The following ADAM21 variants were observed in gnomAD, a reference collection of about 807,000 sequenced individuals.
ADAM21 encodes the protein ADAM metallopeptidase domain 21.
For synonymous variants in ADAM21, 262 were observed against 306.0 expected, an observed-to-expected ratio of 0.86 and a Z score of 1.50; for missense variants, 678 against 874.4, an observed-to-expected ratio of 0.78 and a Z score of 2.83.
chr14:70,459,613 TG>T lies in ADAM21; in HGVS notation c.2115del (p.Met705IlefsTer25). 2.5e-6 allele frequency: 4 copies of T among 1,614,214 alleles called. No individual in the cohort carries two copies. The highest frequency in any genetic ancestry group is 3.4e-6 in the Non-Finnish European group (4 of 1,180,028). The stretch of plus-strand genomic sequence containing the variant: ...TTCCTGTTTACTGTCGGGCTTCTTA[TG>T]TATCTACGACAATGTTCTGGTCCCA... ...LTFLFTVGLL[M>X]YLRQCSGPKE... On this transcript the variant is annotated frameshift_variant, in exon 2 of 2. Transcript: ENST00000603540. LOFTEE classifies it low-confidence loss of function (END_TRUNC).
rs1882461339 is a variant in ADAM21 at position 70,458,446 on chromosome 14, G to C, written c.947G>C (p.Cys316Ser). 1 of 1,614,006 alleles carries C rather than the reference G, an allele frequency of 6.2e-7. No individual in the cohort carries two copies. Among genetic ancestry groups the C allele is most frequent in the African/African-American group, 1.3e-5 (1 of 74,904 alleles). ...ILGLAYVAGI[C>S]RPPIDCGVDN... ...GGCCTAGCCTATGTTGCAGGAATATGTCGTCCACCTATTGATTGTGGAGTT... is the reference window on the plus strand; with the variant it reads ...GGCCTAGCCTATGTTGCAGGAATATCTCGTCCACCTATTGATTGTGGAGTT... Residue 316 changes from cysteine to serine, a missense_variant, in exon 2 of 2, where the codon TGT becomes TCT. Transcript: ENST00000603540.
chr14:70,455,367 G>T (rs932798886), intron 1 of ADAM21, among the ~76,000 whole-genome samples: 1 of 152,030 alleles, frequency 6.6e-6, no homozygotes, highest in African/African-American at 2.4e-5. Context: ...TCAATATGTT[G>T]ATCACAGTCA....
chr14:70,452,231 A>G lies in ADAM21; in HGVS notation c.-184A>G, dbSNP rs1594980340. The stretch of plus-strand genomic sequence containing the variant: ...AGCATGGTATAAACCATCTAGACAG[A>G]AATGGCCATGGAAACTACTGTTTCT... On this transcript the variant is annotated 5_prime_UTR_variant, in exon 1 of 2. Coordinates refer to ENST00000603540, the MANE Select transcript of ADAM21 (RefSeq NM_003813.4). 6.6e-6 allele frequency: 1 copy of G among 152,236 alleles called. No individual in the cohort carries two copies. The highest frequency in any genetic ancestry group is 1.9e-4 in the East Asian group (1 of 5,202). 9.4% of individuals were successfully genotyped at this position (152,236 alleles called of 1,614,324 possible).
chr14:70,453,167 A>G (rs1397310295), intron 1 of ADAM21, among the ~76,000 whole-genome samples: 1 of 152,164 alleles, frequency 6.6e-6, no homozygotes, highest in Non-Finnish European at 1.5e-5. Flanking sequence ...AGGATCTTCT[A>G]GGGATGCCTT....
chr14:70,456,700 C>T (rs565184466), intron 1 of ADAM21, among the ~76,000 whole-genome samples: 114 of 152,162 alleles, frequency 7.5e-4, no homozygotes, highest in Non-Finnish European at 1.4e-3. Flanking sequence ...ATTTTAGTAG[C>T]ATTCACTTAT....
intron 1 of ADAM21, among the ~76,000 whole-genome samples, chr14:70,454,419 T>A (rs914313922): frequency 1.3e-5 from 2 of 152,162 alleles, no homozygotes; most frequent in Non-Finnish European, 2.9e-5. Context: ...TCTGTCACAT[T>A]TAGGACTCTC....
Position 70,456,458 on chromosome 14 carries a change from T to C in ADAM21, c.-151-891T>C, listed in dbSNP as rs568704322. 2.0e-5 allele frequency among the ~76,000 whole-genome samples: 3 copies of C among 152,306 alleles called. No homozygotes were observed. In the South Asian group the frequency reaches 6.2e-4, roughly 32 times the overall value. On this transcript the variant is annotated intron_variant, in intron 1 of 1. Transcript: ENST00000603540. Reference sequence around the variant, plus strand: ...AAACACTCAGACTCTTCCCTGGCGATCCTAAAATACTAGACTCTACAATGG... The same window carrying C: ...AAACACTCAGACTCTTCCCTGGCGACCCTAAAATACTAGACTCTACAATGG...
chr14:70,453,210 A>T (rs1277285963), intron 1 of ADAM21, among the ~76,000 whole-genome samples: 2 of 152,202 alleles, frequency 1.3e-5, no homozygotes, highest in Non-Finnish European at 2.9e-5. Context: ...TCAAGGAAAA[A>T]GACTGCAGGC....
rs755689914 is a variant in ADAM21, at chr14:70,458,900, G to T, written c.1401G>T (p.Glu467Asp). 1 of 1,614,112 alleles carries T rather than the reference G, an allele frequency of 6.2e-7. No homozygotes were observed. Among genetic ancestry groups the T allele is most frequent in the Non-Finnish European group, 8.5e-7 (1 of 1,180,032 alleles). The change falls in exon 2 of 2, where the codon GAG becomes GAT. Residue 467 changes from glutamate to aspartate, a missense_variant. Transcript: ENST00000603540. ...CATCAGGGGAACTCTGTAGACAAGAGGTCAATGAATGTGACCTTCCAGAAT... is the reference window on the plus strand; with the variant it reads ...CATCAGGGGAACTCTGTAGACAAGATGTCAATGAATGTGACCTTCCAGAAT... ...FMPSGELCRQEVNECDLPEWC... is the reference protein window; with the variant it reads ...FMPSGELCRQDVNECDLPEWC...
In ADAM21 at chr14:70,458,864, C is replaced by T; in HGVS notation, c.1365C>T (p.Cys455=). The change falls in exon 2 of 2, where the codon TGC becomes TGT. Residue 455 remains cysteine (C), a synonymous_variant. Transcript: ENST00000603540. The stretch of plus-strand genomic sequence containing the variant: ...CTTTTGGGCTTTGTTGCAAAGACTG[C>T]AAGTTCATGCCATCAGGGGAACTCT... ...ACAFGLCCKD[C]KFMPSGELCR... The T allele has an allele frequency of 6.2e-7, 1 of 1,614,170 alleles. No homozygotes were observed. The highest frequency in any genetic ancestry group is 8.5e-7 in the Non-Finnish European group (1 of 1,180,034).
At position 70,459,248 on chromosome 14, in the gene ADAM21, T is replaced by C. The variant is rs1490753084; in HGVS notation, c.1749T>C (p.Thr583=). The C allele has an allele frequency of 7.0e-5, 113 of 1,614,042 alleles. No homozygotes were observed. Among genetic ancestry groups the C allele is most frequent in the Non-Finnish European group, 9.3e-5 (110 of 1,180,042 alleles). ...AAGATCATTTTACTTTGCAGCACAC[T>C]CATATCAATGGTGTCACCTGCTGGG... is the stretch of plus-strand genomic sequence containing the variant. ...LLQDHFTLQH[T]HINGVTCWGI... Residue 583 remains threonine (T), a synonymous_variant, in exon 2 of 2, where the codon ACT becomes ACC. Transcript: ENST00000603540.
rs763356661 is a variant in ADAM21, at chr14:70,458,975, C to T, written c.1476C>T (p.Asp492=). 1.4e-5 allele frequency: 23 copies of T among 1,614,004 alleles called. No homozygotes were observed. Among genetic ancestry groups the T allele is most frequent in the Middle Eastern group, 1.6e-4 (1 of 6,062 alleles). ...GTCCAGAAGATAGATATGTGCAGGACGGGATCCCCTGTAGTGACAGTGCCT... is the reference window on the plus strand; with the variant it reads ...GTCCAGAAGATAGATATGTGCAGGATGGGATCCCCTGTAGTGACAGTGCCT... ...HQCPEDRYVQ[D]GIPCSDSAYC... The change falls in exon 2 of 2, where the codon GAC becomes GAT. Residue 492 remains aspartate (D), a synonymous_variant. Transcript: ENST00000603540.
chr14:70,453,035 C>CGTGTGTGTGTGT (rs10676561), intron 1 of ADAM21, among the ~76,000 whole-genome samples: 3 of 148,610 alleles, frequency 2.0e-5, no homozygotes, highest in African/African-American at 7.4e-5. Flanking sequence ...TTGAATTTGG[C>CGTGTGTGTGTGT]GTGTGTGTGT....
Position 70,453,189 on chromosome 14 carries a change from G to C in ADAM21, c.-152+926G>C, listed in dbSNP as rs144897516. On this transcript the variant is annotated intron_variant, in intron 1 of 1. Transcript: ENST00000603540. Reference sequence around the variant, plus strand: ...TCTAGGGATGCCTTCTGATATTTCTGTTCTATTTCCTCAAGGAAAAAGACT... The same window carrying C: ...TCTAGGGATGCCTTCTGATATTTCTCTTCTATTTCCTCAAGGAAAAAGACT... Among the ~76,000 whole-genome samples, 39 of 152,222 alleles carry C rather than the reference G, an allele frequency of 2.6e-4. 1 individual carries two copies. The highest frequency in any genetic ancestry group is 9.4e-4 in the African/African-American group (39 of 41,542).
chr14:70,453,184 T>C (rs1054700628), intron 1 of ADAM21, among the ~76,000 whole-genome samples: 2 of 152,230 alleles, frequency 1.3e-5, no homozygotes, highest in Non-Finnish European at 2.9e-5. Context: ...CCTTCTGATA[T>C]TTCTGTTCTA....
At chr14:70,454,782 A>G (rs1472664574) in intron 1 of ADAM21, among the ~76,000 whole-genome samples, 1 of 152,182 alleles carries the variant, frequency 6.6e-6, no homozygotes, top group Non-Finnish European at 1.5e-5. Context: ...TGCTAATATT[A>G]CTTTAAGTTG....
Position 70,457,453 on chromosome 14 carries a change from T to C in ADAM21, c.-47T>C. 1 of 1,606,730 alleles carries C rather than the reference T, an allele frequency of 6.2e-7. No individual in the cohort carries two copies. The highest frequency in any genetic ancestry group is 1.3e-5 in the African/African-American group (1 of 74,778). On this transcript the variant is annotated 5_prime_UTR_variant, in exon 2 of 2. Coordinates refer to ENST00000603540, the MANE Select transcript of ADAM21 (RefSeq NM_003813.4). ...GCCAGACCAGCAGTGCCTCACACCT[T>C]GTCCTCTTCTGCTCTGGACAGATGG...
In ADAM21 at chr14:70,458,083, T is replaced by G. The variant is rs1483513999; in HGVS notation, c.584T>G (p.Leu195Arg). Residue 195 changes from leucine (L) to arginine (R), a missense_variant, in exon 2 of 2, where the codon CTG (leucine) becomes CGG (arginine). Physicochemically the swap from Leu to Arg is moderately radical, Grantham distance 102. Transcript: ENST00000603540. ...TTTGAAGAGGCTGAGAACTCAGCTC[T>G]GGAACCAAAATCTGCTGGTGACTGG... ...LEFEEAENSA[L>R]EPKSAGDWWT... 1 of 1,614,008 alleles carries G rather than the reference T, an allele frequency of 6.2e-7. No homozygotes were observed. The highest frequency in any genetic ancestry group is 1.7e-5 in the Admixed American group (1 of 59,994).
intron 1 of ADAM21, among the ~76,000 whole-genome samples, chr14:70,456,051 TTTTG>T (rs1882395814): frequency 2.6e-5 from 4 of 152,166 alleles, no homozygotes; most frequent in South Asian, 2.1e-4. Context: ...ATTATCTGTT[TTTTG>T]TTTGTTTCTA....
Sources: allele counts gnomAD v4.1 joint callset (sites outside exome capture counted in the v4.1 genomes callset), GRCh38; gene constraint gnomAD v4.1.1; transcripts MANE v1.5; gene names NCBI Gene and HGNC (gene_info 2026-07-23, HGNC 2026-07-21).